Variants in DLGAP2 observed in about 807,000 individuals in gnomAD.
DLGAP2 encodes DLG associated protein 2.
A neutral mutation model predicts 100.3 loss-of-function variants in DLGAP2; 26 were observed. That is an observed-to-expected ratio of 0.26 (90% CI 0.19 to 0.36). The LOEUF (loss-of-function observed/expected upper bound fraction) is 0.36. DLGAP2 is among the 10% of genes least tolerant of loss of function. The pLI, the probability that DLGAP2 is intolerant of heterozygous loss-of-function variation, is 1.00. For synonymous variants in DLGAP2, 886 were observed against 630.1 expected, an observed-to-expected ratio of 1.41 and a Z score of -6.08; for missense variants, 1,858 against 1,453.2, an observed-to-expected ratio of 1.28 and a Z score of -4.53.
chr8:1,209,877 C>T (rs1348482643), intron 2 of DLGAP2, among the ~76,000 whole-genome samples: 1 of 152,188 alleles, frequency 6.6e-6, no homozygotes, highest in Non-Finnish European at 1.5e-5. Context: ...GCATGTCCTA[C>T]CCCCTCGTAA....
chr8:1,676,674 G>C (rs1798818492), intron 11 of DLGAP2, 56 bp downstream of exon 11: 2 of 1,537,878 alleles, frequency 1.3e-6, no homozygotes, highest in African/African-American at 1.4e-5. Context: ...CTTTGTCAAA[G>C]GCCTGATGGA....
At chr8:1,004,103 A>T (rs1236579776) in intron 2 of DLGAP2, among the ~76,000 whole-genome samples, 1 of 152,204 alleles carries the variant, frequency 6.6e-6, no homozygotes, top group Non-Finnish European at 1.5e-5. Context: ...TGGCTTTTAT[A>T]GTATTAAAAC....
At chr8:974,369 A>G (rs1800109670) in intron 2 of DLGAP2, among the ~76,000 whole-genome samples, 3 of 152,340 alleles carry the variant, frequency 2.0e-5, no homozygotes, top group Admixed American at 6.5e-5. Context: ...TCAAATATTT[A>G]AAGTGTTGAA....
At chr8:1,102,386 T>C (rs1459359596) in intron 2 of DLGAP2, among the ~76,000 whole-genome samples, 2 of 149,090 alleles carry the variant, frequency 1.3e-5, no homozygotes, top group African/African-American at 4.9e-5. Flanking sequence ...AATTTATAGA[T>C]ACATAAAACA....
At chr8:989,243 G>T (rs1334321369) in intron 2 of DLGAP2, among the ~76,000 whole-genome samples, 1 of 152,110 alleles carries the variant, frequency 6.6e-6, no homozygotes, top group Non-Finnish European at 1.5e-5. Flanking sequence ...AGTCCCTCTG[G>T]GTTCCCAGGA....
At chr8:1,012,023 A>G (rs1393139439) in intron 2 of DLGAP2, among the ~76,000 whole-genome samples, 3 of 152,188 alleles carry the variant, frequency 2.0e-5, no homozygotes. Context: ...TGGCTTTCAC[A>G]GAAGATGTTT....
At chr8:1,303,362 A>G (rs1204781393) in intron 3 of DLGAP2, among the ~76,000 whole-genome samples, 1 of 147,078 alleles carries the variant, frequency 6.8e-6, no homozygotes, top group African/African-American at 2.5e-5. Context: ...GCGCCACCGC[A>G]CTCCAGCCTG....
intron 6 of DLGAP2, among the ~76,000 whole-genome samples, chr8:1,566,609 A>T (rs1023732316): frequency 6.6e-6 from 1 of 152,172 alleles, no homozygotes; most frequent in Non-Finnish European, 1.5e-5. Flanking sequence ...GCAAGTGGAT[A>T]GGCAGGGCGG....
intron 1 of DLGAP2, among the ~76,000 whole-genome samples, chr8:771,715 A>T (rs999472204): frequency 6.6e-6 from 1 of 152,234 alleles, no homozygotes; most frequent in Admixed American, 6.5e-5. Context: ...TTAGGTGAAA[A>T]TATTTATCCT....
chr8:1,623,457 C>A (rs1341564079), intron 6 of DLGAP2, among the ~76,000 whole-genome samples: 1 of 151,956 alleles, frequency 6.6e-6, no homozygotes, highest in Non-Finnish European at 1.5e-5. Context: ...GACCTGACAC[C>A]AGCGCGCAAT....
intron 2 of DLGAP2, among the ~76,000 whole-genome samples, chr8:953,182 A>G (rs866385011): frequency 1.3e-5 from 2 of 152,048 alleles, no homozygotes; most frequent in South Asian, 2.1e-4. Flanking sequence ...CGAAATTTCT[A>G]TGTTTCTTTT....
chr8:1,438,693 C>T lies in DLGAP2; in HGVS notation c.107-62673C>T, dbSNP rs117461841. 1.0e-3 allele frequency among the ~76,000 whole-genome samples: 158 copies of T among 152,322 alleles called. No individual in the cohort carries two copies. The East Asian group carries it at 0.017, about 16-fold the overall frequency. On this transcript the variant is annotated intron_variant, in intron 3 of 14. Transcript: ENST00000637795. ...TCCAAGGGCAGGATTTGATCTATCA[C>T]AATACACACTTCATCAGAAAATCAC...
intron 3 of DLGAP2, among the ~76,000 whole-genome samples, chr8:1,344,322 G>T (rs5028021): frequency 0.75 from 114,167 of 151,856 alleles, 44,814 homozygotes; most frequent in East Asian, 1. Flanking sequence ...ACAGCCTTCA[G>T]GGTGCCACCT....
intron 3 of DLGAP2, among the ~76,000 whole-genome samples, chr8:1,349,889 CTTTG>C (rs1203222093): frequency 6.6e-6 from 1 of 152,194 alleles, no homozygotes; most frequent in African/African-American, 2.4e-5. Context: ...GACTGTTTAT[CTTTG>C]TTTAATATTG....
chr8:1,345,728 C>T (rs12678087), intron 3 of DLGAP2, among the ~76,000 whole-genome samples: 15,497 of 152,260 alleles, frequency 0.1, 1,172 homozygotes, highest in East Asian at 0.34. Flanking sequence ...TGGAATCAGA[C>T]AGATGTTGTT....
chr8:776,186 T>C (rs371162168), intron 1 of DLGAP2, among the ~76,000 whole-genome samples: 33 of 151,136 alleles, frequency 2.2e-4, no homozygotes, highest in South Asian at 4.2e-4. Flanking sequence ...TCTGTGGGAT[T>C]GGTGGTGATA....
At chr8:1,614,541 A>G (rs1322956612) in intron 6 of DLGAP2, among the ~76,000 whole-genome samples, 1 of 152,176 alleles carries the variant, frequency 6.6e-6, no homozygotes, top group Admixed American at 6.5e-5. Context: ...AGAAAACATG[A>G]CTTACCGGAC....
intron 3 of DLGAP2, among the ~76,000 whole-genome samples, chr8:1,352,863 A>C (rs1418729021): frequency 6.6e-6 from 1 of 152,144 alleles, no homozygotes; most frequent in Non-Finnish European, 1.5e-5. Context: ...GAGATCCTGG[A>C]GGAAGGAGAG....
intron 1 of DLGAP2, among the ~76,000 whole-genome samples, chr8:752,801 T>G (rs1440750720): frequency 6.6e-6 from 1 of 152,098 alleles, no homozygotes; most frequent in Admixed American, 6.5e-5. Context: ...TTCATGATAC[T>G]GTCGGCTGGG....
Sources: allele counts gnomAD v4.1 joint callset (sites outside exome capture counted in the v4.1 genomes callset), GRCh38; gene constraint gnomAD v4.1.1; transcripts MANE v1.5; gene names NCBI Gene and HGNC (gene_info 2026-07-23, HGNC 2026-07-21).